The following RGS6 variants were observed in gnomAD, a reference collection of about 807,000 sequenced individuals.
RGS6 encodes the protein regulator of G-protein signaling 6.
In RGS6, 30 loss-of-function variants were observed where a neutral mutation model predicts 78.5. The ratio of observed to expected loss-of-function variants is 0.38; its 90% CI spans 0.29 to 0.52. The LOEUF is 0.52. Among genes scored for constraint, RGS6 ranks in the 20% least tolerant of loss-of-function variants. The pLI, the probability that RGS6 is intolerant of heterozygous loss-of-function variation, is 0.85. For synonymous variants in RGS6, 206 were observed against 206.0 expected, an observed-to-expected ratio of 1.00 and a Z score of 0.00; for missense variants, 495 against 609.7, an observed-to-expected ratio of 0.81 and a Z score of 1.98.
chr14:72,358,629 G>A (rs1159937077), intron 3 of RGS6, among the ~76,000 whole-genome samples: 1 of 152,214 alleles, frequency 6.6e-6, no homozygotes, highest in Non-Finnish European at 1.5e-5. Flanking sequence ...TTTAGAACAG[G>A]TATATTTACC....
chr14:72,588,573 C>T, the RGS6 span, among the ~76,000 whole-genome samples: 3 of 152,172 alleles, frequency 2.0e-5, 1 homozygote, highest in East Asian at 5.8e-4. Context: ...GAGCCTCACC[C>T]CTTCCCCCTT....
At chr14:72,391,180 T>C (rs1244796177) in intron 3 of RGS6, among the ~76,000 whole-genome samples, 1 of 152,232 alleles carries the variant, frequency 6.6e-6, no homozygotes, top group East Asian at 1.9e-4. Context: ...TGTTTTTCTC[T>C]TCTACAGACA....
intron 2 of RGS6, among the ~76,000 whole-genome samples, chr14:72,049,102 GA>G (rs542462758): frequency 3.1e-4 from 47 of 152,208 alleles, no homozygotes; most frequent in South Asian, 6.2e-4. Context: ...GTATAACAGT[GA>G]AAAAAATTTT....
intron 3 of RGS6, among the ~76,000 whole-genome samples, chr14:72,396,470 A>C (rs947639438): frequency 8.5e-5 from 13 of 152,112 alleles, no homozygotes; most frequent in African/African-American, 3.1e-4. Flanking sequence ...GTAGGTTGCA[A>C]AAATTTTCTT....
chr14:72,550,795 C>T lies in RGS6; in HGVS notation c.1422+10701C>T, dbSNP rs184841506. Reference sequence around the variant, plus strand: ...ATCTCATTCTTGGCTAATCTTTAATCATAGCTTGCTTGCTTGCTTTTTGTT... The same window carrying T: ...ATCTCATTCTTGGCTAATCTTTAATTATAGCTTGCTTGCTTGCTTTTTGTT... On this transcript the variant is annotated intron_variant, in intron 17 of 17. Coordinates refer to ENST00000553525, the MANE Select transcript of RGS6 (RefSeq NM_001204424.2). 3.9e-5 allele frequency: 24 copies of T among 613,208 alleles called. No homozygotes were observed. In the Admixed American group the frequency reaches 6.6e-4, roughly 17 times the overall value. 38.0% of individuals were successfully genotyped at this position (613,208 alleles called of 1,614,324 possible). A position where few individuals can be genotyped will look rare whatever the true frequency, so the allele number is the denominator to read the frequency against.
At chr14:71,948,296 G>A (rs901127832) in intron 1 of RGS6, among the ~76,000 whole-genome samples, 1 of 152,170 alleles carries the variant, frequency 6.6e-6, no homozygotes, top group Non-Finnish European at 1.5e-5. Flanking sequence ...ACATGTCTAC[G>A]ATGGTTCGAT....
intron 2 of RGS6, among the ~76,000 whole-genome samples, chr14:72,071,307 T>G (rs1291644380): frequency 2.0e-5 from 3 of 152,232 alleles, no homozygotes; most frequent in Non-Finnish European, 2.9e-5. Flanking sequence ...GATGGACTTT[T>G]GGATTCTTTC....
At chr14:72,235,081 C>G (rs1023323698) in intron 2 of RGS6, among the ~76,000 whole-genome samples, 31 of 152,094 alleles carry the variant, frequency 2.0e-4, no homozygotes, top group African/African-American at 7.5e-4. Flanking sequence ...TGTTTATTGT[C>G]TATTTCTCCT....
At chr14:72,166,606 A>T (rs1250687815) in intron 2 of RGS6, among the ~76,000 whole-genome samples, 1 of 152,216 alleles carries the variant, frequency 6.6e-6, no homozygotes, top group Non-Finnish European at 1.5e-5. Context: ...TAGACCAAGG[A>T]TGGAGGGAGG....
Position 72,472,868 on chromosome 14 carries a change from T to C in RGS6, c.537-4T>C, listed in dbSNP as rs757218654. ...TTATTTCCTTCCTCTCTTTACTCTT[T>C]CAGGATTGACCGGAAAAAAGACAAG... On this transcript the variant is annotated splice_region_variant and splice_polypyrimidine_tract_variant and intron_variant, in intron 8 of 17. Transcript: ENST00000553525. The C allele has an allele frequency of 1.2e-6, 2 of 1,604,662 alleles. No individual in the cohort carries two copies. Among genetic ancestry groups the C allele is most frequent in the South Asian group, 1.1e-5 (1 of 90,028 alleles).
intron 3 of RGS6, among the ~76,000 whole-genome samples, chr14:72,431,907 A>G (rs954695941): frequency 2.6e-5 from 4 of 151,862 alleles, no homozygotes; most frequent in Non-Finnish European, 5.9e-5. Context: ...TGGTCTTGGT[A>G]TTTGGGATTT....
intron 3 of RGS6, among the ~76,000 whole-genome samples, chr14:72,453,967 G>A (rs940476464): frequency 6.6e-6 from 1 of 152,218 alleles, no homozygotes. Context: ...TCTATTGGCA[G>A]AACTCAGTCC....
the RGS6 span, among the ~76,000 whole-genome samples, chr14:71,915,386 G>A: frequency 6.6e-6 from 1 of 152,164 alleles, no homozygotes; most frequent in African/African-American, 2.4e-5. Flanking sequence ...TCCTTCACCT[G>A]TCTTCCTGTG....
chr14:71,910,995 A>G, the RGS6 span, among the ~76,000 whole-genome samples: 6 of 152,138 alleles, frequency 3.9e-5, no homozygotes, highest in African/African-American at 1.4e-4. Context: ...TCCATAAGGT[A>G]TATTATTGCC....
chr14:72,371,807 A>C (rs983260008), intron 3 of RGS6, among the ~76,000 whole-genome samples: 8 of 152,190 alleles, frequency 5.3e-5, no homozygotes, highest in Non-Finnish European at 8.8e-5. Context: ...ATAAGATAAA[A>C]TTTGAGAAGA....
the RGS6 span, among the ~76,000 whole-genome samples, chr14:71,877,694 C>T: frequency 2.6e-5 from 4 of 152,192 alleles, no homozygotes; most frequent in South Asian, 2.1e-4. Context: ...TCATCAAAGT[C>T]GTTCTCCATC....
At chr14:72,541,061 C>T (rs1164067393) in intron 17 of RGS6, 9 of 1,345,276 alleles carry the variant, frequency 6.7e-6, no homozygotes, top group Middle Eastern at 2.1e-4. Context: ...CCCGCTCAAT[C>T]ACGGGGCCCA....
intron 13 of RGS6, among the ~76,000 whole-genome samples, chr14:72,500,959 A>G (rs1430698469): frequency 6.6e-6 from 1 of 152,142 alleles, no homozygotes; most frequent in Non-Finnish European, 1.5e-5. Context: ...CCCATTTTTC[A>G]AGACCCTCAA....
the RGS6 span, among the ~76,000 whole-genome samples, chr14:71,900,059 G>A: frequency 0.52 from 79,713 of 152,056 alleles, 23,998 homozygotes; most frequent in Non-Finnish European, 0.67. Context: ...TTTCTTTTGA[G>A]GACATCTTTA....
Sources: gnomAD v4.1 joint callset for allele counts (sites outside exome capture counted in the v4.1 genomes callset) on GRCh38, gnomAD v4.1.1 for gene constraint, MANE v1.5 for transcripts, NCBI Gene and HGNC (gene_info 2026-07-23, HGNC 2026-07-21) for gene names.